The following HCN1 variants were observed in gnomAD, a reference collection of about 807,000 sequenced individuals.
HCN1 encodes hyperpolarization activated cyclic nucleotide gated potassium channel 1.
A neutral mutation model predicts 78.9 loss-of-function variants in HCN1; 13 were observed. The ratio of observed to expected loss-of-function variants is 0.16; its 90% CI spans 0.11 to 0.26. The LOEUF (loss-of-function observed/expected upper bound fraction) is 0.26, where lower values mean the gene tolerates loss of function less well. HCN1 is among the 10% of genes least tolerant of loss of function. The probability of loss-of-function intolerance (pLI) is 1.00; values close to 1 mark genes in which losing one functional copy is unlikely to be tolerated. For missense variants in HCN1, 810 were observed against 1,154.3 expected (o/e 0.70, Z 4.32); for synonymous variants, 552 against 455.5 (o/e 1.21, Z -2.70).
intron 2 of HCN1, chr5:45,617,271 T>TA (rs1744975942): frequency 6.6e-6 from 1 of 151,844 alleles, no homozygotes; most frequent in Non-Finnish European, 1.5e-5. Context: ...ATGCTAGGAG[T>TA]TCAACAACTA....
intron 6 of HCN1, among the ~76,000 whole-genome samples, chr5:45,276,300 T>C (rs116658503): frequency 2.2e-4 from 33 of 152,242 alleles, no homozygotes; most frequent in African/African-American, 7.7e-4. Flanking sequence ...AATTCATTCA[T>C]TCATTCAGAA....
rs746190871 is a variant in HCN1, at chr5:45,461,918, A to G, written c.939T>C (p.Gly313=). The change falls in exon 3 of 8, where the codon GGT becomes GGC. Residue 313 remains glycine, a synonymous_variant. Coordinates refer to ENST00000303230, the MANE Select transcript of HCN1 (RefSeq NM_021072.4). ...GTAGTGGTACTAAGAACTGAAGACA[A>G]CCATCCCAGTGGCACAGGAGCAGCA... ...GMMLLLCHWD[G]CLQFLVPLLQ... is the part of the protein sequence containing the mutation. 1.1e-4 allele frequency: 172 copies of G among 1,613,418 alleles called. No individual in the cohort carries two copies. The highest frequency in any genetic ancestry group is 1.4e-4 in the Non-Finnish European group (163 of 1,179,652).
intron 2 of HCN1, among the ~76,000 whole-genome samples, chr5:45,572,200 C>A (rs1162095497): frequency 6.6e-6 from 1 of 151,958 alleles, no homozygotes; most frequent in East Asian, 1.9e-4. Flanking sequence ...AAATATATAC[C>A]CTTCAAGAAG....
chr5:45,462,062 G>A (rs1431809561), intron 2 of HCN1, 55 bp from the exon 3 acceptor site: 4 of 1,365,314 alleles, frequency 2.9e-6, no homozygotes, highest in Admixed American at 3.6e-5. Context: ...GAAAAATCAA[G>A]CATACTACTG....
intron 3 of HCN1, among the ~76,000 whole-genome samples, chr5:45,450,338 T>C (rs907583129): frequency 9.9e-5 from 15 of 152,230 alleles, no homozygotes; most frequent in African/African-American, 2.9e-4. Flanking sequence ...ATGATTTCTA[T>C]ATTCATACAT....
At chr5:45,404,523 A>G (rs1739881996) in intron 3 of HCN1, among the ~76,000 whole-genome samples, 1 of 151,032 alleles carries the variant, frequency 6.6e-6, no homozygotes, top group Non-Finnish European at 1.5e-5. Context: ...AGGAAAAGAT[A>G]TTGAGTCAAA....
chr5:45,394,296 A>G (rs1739641887), intron 4 of HCN1, among the ~76,000 whole-genome samples: 1 of 152,270 alleles, frequency 6.6e-6, no homozygotes, highest in African/African-American at 2.4e-5. Context: ...AGAAGGATGC[A>G]TGAGTGCTTC....
intron 3 of HCN1, among the ~76,000 whole-genome samples, chr5:45,430,413 GT>G (rs549237518): frequency 2.2e-3 from 316 of 144,746 alleles, no homozygotes; most frequent in African/African-American, 4.9e-3. Flanking sequence ...CAGATAGGTA[GT>G]TTTTTTTTTT....
chr5:45,491,480 T>G (rs1741885446), intron 2 of HCN1, among the ~76,000 whole-genome samples: 1 of 152,184 alleles, frequency 6.6e-6, no homozygotes, highest in Non-Finnish European at 1.5e-5. Flanking sequence ...CGCTCAAGTA[T>G]TCACACTGTC....
intron 3 of HCN1, among the ~76,000 whole-genome samples, chr5:45,429,547 T>C (rs535885417): frequency 1.3e-5 from 2 of 152,028 alleles, no homozygotes; most frequent in Non-Finnish European, 2.9e-5. Flanking sequence ...AAAGGTGCAA[T>C]CAATTAATTG....
intron 3 of HCN1, among the ~76,000 whole-genome samples, chr5:45,430,650 G>C (rs1244747340): frequency 1.3e-5 from 2 of 151,934 alleles, no homozygotes; most frequent in East Asian, 3.9e-4. Flanking sequence ...AGTATCCCAT[G>C]GTGTTTATAT....
chr5:45,409,584 T>C (rs535306440), intron 3 of HCN1, among the ~76,000 whole-genome samples: 2 of 152,158 alleles, frequency 1.3e-5, no homozygotes, highest in South Asian at 2.1e-4. Context: ...GTCCACGCAA[T>C]TTTGATGACA....
At chr5:45,285,542 T>C (rs1165748388) in intron 6 of HCN1, among the ~76,000 whole-genome samples, 1 of 151,960 alleles carries the variant, frequency 6.6e-6, no homozygotes, top group Non-Finnish European at 1.5e-5. Flanking sequence ...TTAAACATTT[T>C]TTACTGTATT....
chr5:45,455,173 G>C (rs1423592336), intron 3 of HCN1, among the ~76,000 whole-genome samples: 1 of 152,006 alleles, frequency 6.6e-6, no homozygotes, highest in Admixed American at 6.6e-5. Context: ...ATTAAGAAGA[G>C]AAAATAGGCT....
At chr5:45,374,117 ATATATATAATATATATTATATACATAT>A (rs1491403946) in intron 4 of HCN1, among the ~76,000 whole-genome samples, 5 of 103,078 alleles carry the variant, frequency 4.9e-5, no homozygotes, top group African/African-American at 2.0e-4. Flanking sequence ...TATATACATA[ATATATATAATATATATTATATACATAT>A]TATATATAAT....
chr5:45,493,823 T>C (rs1741955618), intron 2 of HCN1, among the ~76,000 whole-genome samples: 1 of 149,370 alleles, frequency 6.7e-6, no homozygotes, highest in Admixed American at 6.7e-5. Flanking sequence ...ATTGTTCAAT[T>C]CCCACCTATG....
chr5:45,319,862 T>G (rs1019793096), intron 5 of HCN1, among the ~76,000 whole-genome samples: 7 of 151,882 alleles, frequency 4.6e-5, no homozygotes, highest in African/African-American at 1.4e-4. Context: ...TAAAAAAGAA[T>G]AGCAAAACTT....
chr5:45,593,212 G>GCA lies in HCN1; in HGVS notation c.849+51971_849+51972dup, dbSNP rs58822250. On this transcript the variant is annotated intron_variant, in intron 2 of 7. Coordinates refer to ENST00000303230, the MANE Select transcript of HCN1 (RefSeq NM_021072.4). ...GTTGCACGCGCGCATGCACGCACGC[G>GCA]CACACACACACACACACACACAGAC... is the stretch of plus-strand genomic sequence containing the variant. Among the ~76,000 whole-genome samples, 556 of 149,464 alleles carry GCA rather than the reference G, an allele frequency of 3.7e-3. 2 individuals carry two copies. The highest frequency in any genetic ancestry group is 9.8e-3 in the African/African-American group (396 of 40,426).
intron 4 of HCN1, among the ~76,000 whole-genome samples, chr5:45,375,123 T>C (rs1385622296): frequency 8.2e-6 from 1 of 121,948 alleles, no homozygotes; most frequent in Non-Finnish European, 1.6e-5. Flanking sequence ...TAATATATTA[T>C]ATATAATATA....
Sources: gnomAD v4.1 joint callset for allele counts (sites outside exome capture counted in the v4.1 genomes callset) on GRCh38, gnomAD v4.1.1 for gene constraint, MANE v1.5 for transcripts, NCBI Gene and HGNC (gene_info 2026-07-23, HGNC 2026-07-21) for gene names.